Variants in ARHGAP26 observed in about 807,000 individuals in gnomAD.
ARHGAP26 encodes Rho GTPase activating protein 26, also known as rho GTPase-activating protein 26.
In ARHGAP26, 38 loss-of-function variants were observed where a neutral mutation model predicts 104.8. The ratio of observed to expected loss-of-function variants is 0.36; its 90% CI spans 0.28 to 0.48. The LOEUF (loss-of-function observed/expected upper bound fraction) is 0.48, where lower values mean the gene tolerates loss of function less well. Among genes scored for constraint, ARHGAP26 ranks in the 20% least tolerant of loss-of-function variants. ARHGAP26 has a pLI of 0.99. For missense variants in ARHGAP26, 704 were observed against 947.9 expected (o/e 0.74, Z 3.38); for synonymous variants, 341 against 340.0 (o/e 1.00, Z -0.03).
intron 20 of ARHGAP26, among the ~76,000 whole-genome samples, chr5:143,172,778 T>C (rs1802953854): frequency 1.3e-5 from 2 of 152,188 alleles, no homozygotes; most frequent in African/African-American, 4.8e-5. Flanking sequence ...AGGATCCCTC[T>C]TAGAGGATCC....
At chr5:143,069,087 C>G (rs1170557510) in intron 17 of ARHGAP26, among the ~76,000 whole-genome samples, 3 of 152,186 alleles carry the variant, frequency 2.0e-5, no homozygotes, top group African/African-American at 4.8e-5. Context: ...GACCTCATCT[C>G]CCCTCCTGCC....
chr5:142,933,744 A>C (rs1458763306), intron 11 of ARHGAP26, among the ~76,000 whole-genome samples: 4 of 152,208 alleles, frequency 2.6e-5, no homozygotes, highest in Non-Finnish European at 5.9e-5. Context: ...TAGGCTGTAC[A>C]TAGGCAGTCA....
At chr5:143,124,845 C>T (rs1796545833) in intron 18 of ARHGAP26, among the ~76,000 whole-genome samples, 1 of 152,154 alleles carries the variant, frequency 6.6e-6, no homozygotes. Flanking sequence ...TCTATGGTAC[C>T]CAGCAAGTTT....
At chr5:143,208,247 T>C (rs2398617) in intron 21 of ARHGAP26, among the ~76,000 whole-genome samples, 33 of 152,078 alleles carry the variant, frequency 2.2e-4, no homozygotes, top group Non-Finnish European at 4.6e-4. Flanking sequence ...AGAATTCCTA[T>C]GCTGTGGAGC....
chr5:142,981,308 C>T (rs1439237357), intron 11 of ARHGAP26, among the ~76,000 whole-genome samples: 2 of 152,202 alleles, frequency 1.3e-5, no homozygotes, highest in Non-Finnish European at 2.9e-5. Context: ...GTGTCTATCT[C>T]ACCAGTGTGC....
intron 22 of ARHGAP26, among the ~76,000 whole-genome samples, chr5:143,217,263 A>G (rs185256885): frequency 8.7e-4 from 133 of 152,270 alleles, no homozygotes; most frequent in African/African-American, 3.1e-3. Flanking sequence ...AGGGGCCCCT[A>G]CTGTGACTCT....
At chr5:143,088,744 G>A (rs924802404) in intron 17 of ARHGAP26, among the ~76,000 whole-genome samples, 1 of 152,124 alleles carries the variant, frequency 6.6e-6, no homozygotes, top group African/African-American at 2.4e-5. Context: ...GAGGGGAAGG[G>A]GTTTTTATCC....
At chr5:142,922,618 T>C (rs572921476) in intron 10 of ARHGAP26, among the ~76,000 whole-genome samples, 1 of 152,300 alleles carries the variant, frequency 6.6e-6, no homozygotes, top group South Asian at 2.1e-4. Context: ...TGTTTAAACA[T>C]TACCCTTTAC....
At chr5:143,132,715 G>C (rs996002572) in intron 18 of ARHGAP26, among the ~76,000 whole-genome samples, 1 of 152,054 alleles carries the variant, frequency 6.6e-6, no homozygotes, top group Non-Finnish European at 1.5e-5. Flanking sequence ...AGCTACAGGA[G>C]GGCAGACTCT....
chr5:142,845,786 C>T (rs1165118545), intron 1 of ARHGAP26, among the ~76,000 whole-genome samples: 1 of 152,138 alleles, frequency 6.6e-6, no homozygotes, highest in East Asian at 1.9e-4. Context: ...ATGACTGACC[C>T]CTCACATCTC....
intron 11 of ARHGAP26, among the ~76,000 whole-genome samples, chr5:143,011,324 T>TTTA (rs1554195018): frequency 3.8e-4 from 55 of 145,646 alleles, no homozygotes; most frequent in South Asian, 8.7e-4. Flanking sequence ...TTTTTTTTTT[T>TTTA]ACTTTCTCCA....
At chr5:143,216,519 G>T in intron 22 of ARHGAP26, 1 of 319,680 alleles carries the variant, frequency 3.1e-6, no homozygotes, top group East Asian at 7.9e-5. Flanking sequence ...ACTATGACCT[G>T]CCCGTCAAAT....
intron 11 of ARHGAP26, among the ~76,000 whole-genome samples, chr5:142,979,841 G>A (rs1348133848): frequency 6.6e-6 from 1 of 152,214 alleles, no homozygotes; most frequent in Non-Finnish European, 1.5e-5. Context: ...GAGTATGGGA[G>A]GTGGGCAGAC....
intron 22 of ARHGAP26, among the ~76,000 whole-genome samples, chr5:143,215,790 A>T (rs576470898): frequency 5.9e-5 from 9 of 152,378 alleles, no homozygotes; most frequent in Middle Eastern, 3.4e-3. Flanking sequence ...ACATTGTAGC[A>T]TGTCAGAACC....
intron 20 of ARHGAP26, among the ~76,000 whole-genome samples, chr5:143,147,838 C>T (rs1799346325): frequency 6.6e-6 from 1 of 152,176 alleles, no homozygotes; most frequent in African/African-American, 2.4e-5. Context: ...CCCAGGAGCC[C>T]TTTGTGTCTT....
chr5:142,789,417 T>A (rs563950071), intron 1 of ARHGAP26, among the ~76,000 whole-genome samples: 137 of 152,278 alleles, frequency 9.0e-4, no homozygotes, highest in Non-Finnish European at 1.7e-3. Flanking sequence ...TGTCTTCGTT[T>A]TAATCTATCT....
At chr5:143,099,508 A>G (rs1792905324) in intron 17 of ARHGAP26, among the ~76,000 whole-genome samples, 1 of 152,216 alleles carries the variant, frequency 6.6e-6, no homozygotes, top group Non-Finnish European at 1.5e-5. Context: ...TCTACTTTCT[A>G]GCACAGGGAT....
intron 11 of ARHGAP26, among the ~76,000 whole-genome samples, chr5:142,991,561 G>A (rs1306057739): frequency 6.6e-6 from 1 of 152,164 alleles, no homozygotes; most frequent in Non-Finnish European, 1.5e-5. Context: ...GCTGTAGACT[G>A]GAGCTGTTCC....
intron 1 of ARHGAP26, among the ~76,000 whole-genome samples, chr5:142,781,737 A>C (rs1439181290): frequency 6.6e-6 from 1 of 152,030 alleles, no homozygotes; most frequent in African/African-American, 2.4e-5. Flanking sequence ...TTTGAGATGG[A>C]GTCTCTCTCT....
Sources: gnomAD v4.1 joint callset for allele counts (sites outside exome capture counted in the v4.1 genomes callset) on GRCh38, gnomAD v4.1.1 for gene constraint, MANE v1.5 for transcripts, NCBI Gene and HGNC (gene_info 2026-07-23, HGNC 2026-07-21) for gene names.